Variants in ALDH1A2 observed in about 807,000 individuals in gnomAD.
ALDH1A2 encodes retinal dehydrogenase 2.
A neutral mutation model predicts 60.3 loss-of-function variants in ALDH1A2; 27 were observed. That is an observed-to-expected ratio of 0.45 (90% CI 0.33 to 0.62). The LOEUF is 0.62. Among genes scored for constraint, ALDH1A2 ranks in the 20% least tolerant of loss-of-function variants. The pLI is 0.02. For missense variants in ALDH1A2, 581 were observed against 643.8 expected, an observed-to-expected ratio of 0.90 and a Z score of 1.06; for synonymous variants, 289 against 232.4, an observed-to-expected ratio of 1.24 and a Z score of -2.21.
chr15:58,061,860 T>A (rs1897047927), intron 1 of ALDH1A2, among the ~76,000 whole-genome samples: 1 of 152,174 alleles, frequency 6.6e-6, no homozygotes, highest in Non-Finnish European at 1.5e-5. Flanking sequence ...ATTATCATCA[T>A]CATTATTATT....
intron 7 of ALDH1A2, chr15:57,980,312 AACAGGT>A: frequency 2.4e-6 from 1 of 417,866 alleles, no homozygotes; most frequent in Non-Finnish European, 4.9e-6. Flanking sequence ...CCCACTCTCA[AACAGGT>A]TGTTGGCCTT....
At chr15:58,012,905 C>T (rs1390412679) in intron 3 of ALDH1A2, among the ~76,000 whole-genome samples, 5 of 152,078 alleles carry the variant, frequency 3.3e-5, no homozygotes, top group South Asian at 2.1e-4. Flanking sequence ...CAAGGAAACC[C>T]TAAATATTCA....
Position 58,065,688 on chromosome 15 carries a change from C to G in ALDH1A2, c.-38G>C. On this transcript the variant is annotated 5_prime_UTR_variant, in exon 1 of 13. Transcript: ENST00000249750. The stretch of plus-strand genomic sequence containing the variant: ...GGTGTCCCTAGCCCGCGGCGTGGGG[C>G]AGTGCGGGCTGTGCGCGCGGTCCGC... 3 of 1,446,018 alleles carry G rather than the reference C, an allele frequency of 2.1e-6. No individual in the cohort carries two copies. Among genetic ancestry groups the G allele is most frequent in the South Asian group, 1.3e-5 (1 of 75,580 alleles). 89.6% of individuals were successfully genotyped at this position (1,446,018 alleles called of 1,614,324 possible).
chr15:58,065,410 G>A (rs1325353189), intron 1 of ALDH1A2, 124 bp downstream of exon 1: 2 of 875,782 alleles, frequency 2.3e-6, no homozygotes, highest in Admixed American at 1.8e-5. Flanking sequence ...GCTGCGCCGG[G>A]ATGACAGGCT....
intron 1 of ALDH1A2, among the ~76,000 whole-genome samples, chr15:58,026,785 T>C (rs1896091705): frequency 6.6e-6 from 1 of 152,248 alleles, no homozygotes; most frequent in South Asian, 2.1e-4. Context: ...CAGTCTGAGA[T>C]TGACCTCCAA....
intron 5 of ALDH1A2, 22 bp downstream of exon 5, chr15:57,995,056 A>G (rs1895005169): frequency 6.3e-7 from 1 of 1,594,840 alleles, no homozygotes; most frequent in Admixed American, 1.7e-5. Flanking sequence ...AATAAATACG[A>G]GGTGCGAGGA....
intron 7 of ALDH1A2, among the ~76,000 whole-genome samples, chr15:57,984,611 G>C (rs1894635374): frequency 6.6e-6 from 1 of 152,208 alleles, no homozygotes; most frequent in South Asian, 2.1e-4. Context: ...ACAGTCACAT[G>C]ATACAGTCTT....
chr15:58,060,201 G>A (rs973726528), intron 1 of ALDH1A2, among the ~76,000 whole-genome samples: 8 of 152,188 alleles, frequency 5.3e-5, no homozygotes, highest in Non-Finnish European at 1.2e-4. Context: ...GATTACAGGT[G>A]TGAGCCACTG....
intron 1 of ALDH1A2, among the ~76,000 whole-genome samples, chr15:58,047,804 C>A (rs868735046): frequency 6.6e-6 from 1 of 151,812 alleles, no homozygotes; most frequent in African/African-American, 2.4e-5. Context: ...CTTTGCTTCA[C>A]GCCAAAACAT....
In ALDH1A2 at chr15:58,065,522, G is replaced by A. The variant is rs556429148; in HGVS notation, c.117+12C>T. On this transcript the variant is annotated intron_variant, in intron 1 of 12. Transcript: ENST00000249750. ...AGTCTCCGTGGACGACGGGCGCTGG[G>A]CGGCCGCTTACCTTGGTGTACTTAA... 1.2e-5 allele frequency: 20 copies of A among 1,605,048 alleles called. No homozygotes were observed. In the Admixed American group the frequency reaches 3.2e-4, roughly 25 times the overall value.
chr15:57,987,758 G>C (rs1033034285), intron 7 of ALDH1A2, among the ~76,000 whole-genome samples: 3 of 151,884 alleles, frequency 2.0e-5, no homozygotes, highest in Admixed American at 1.3e-4. Flanking sequence ...GGTAGCGGGT[G>C]CCTGTAGTCC....
At chr15:57,967,801 G>T (rs749251600) in intron 7 of ALDH1A2, among the ~76,000 whole-genome samples, 3 of 152,178 alleles carry the variant, frequency 2.0e-5, no homozygotes, top group Non-Finnish European at 4.4e-5. Flanking sequence ...CCCCGCCCTT[G>T]CCATTTTGTG....
At chr15:57,991,696 A>G (rs1894900744) in intron 7 of ALDH1A2, 1 of 152,254 alleles carries the variant, frequency 6.6e-6, no homozygotes, top group South Asian at 2.1e-4. Context: ...CAATATTTTG[A>G]AAATACTGGA....
At chr15:57,965,343 TA>T (rs1238846858) in intron 8 of ALDH1A2, among the ~76,000 whole-genome samples, 4 of 152,184 alleles carry the variant, frequency 2.6e-5, no homozygotes, top group African/African-American at 9.6e-5. Context: ...CGGATTTATT[TA>T]AAATGGTCTA....
chr15:57,990,954 A>G (rs996588744), intron 7 of ALDH1A2, among the ~76,000 whole-genome samples: 2 of 152,098 alleles, frequency 1.3e-5, no homozygotes, highest in African/African-American at 4.8e-5. Flanking sequence ...CAACAGAAAA[A>G]GGTTAAAGCA....
At chr15:57,978,243 G>A (rs1894342238) in intron 7 of ALDH1A2, among the ~76,000 whole-genome samples, 1 of 152,186 alleles carries the variant, frequency 6.6e-6, no homozygotes, top group Non-Finnish European at 1.5e-5. Context: ...AATAGGAGTG[G>A]TGAGAGAGGG....
At chr15:58,061,596 A>AAAAAAAAG (rs1897035674) in intron 1 of ALDH1A2, among the ~76,000 whole-genome samples, 2 of 101,604 alleles carry the variant, frequency 2.0e-5, no homozygotes, top group African/African-American at 3.4e-5. Context: ...TCCTTCCCTC[A>AAAAAAAAG]AAAAAAAAAA....
intron 1 of ALDH1A2, among the ~76,000 whole-genome samples, chr15:58,038,087 T>C (rs905345441): frequency 1.3e-5 from 2 of 151,698 alleles, no homozygotes; most frequent in East Asian, 1.9e-4. Flanking sequence ...TCTTAAGCTA[T>C]GGGTTTCCCT....
intron 8 of ALDH1A2, 118 bp from the exon 9 acceptor site, chr15:57,964,187 C>T: frequency 9.5e-7 from 1 of 1,048,016 alleles, no homozygotes; most frequent in Non-Finnish European, 1.4e-6. Flanking sequence ...ATGACATAAC[C>T]ATGAATAGCC....
Sources: allele counts gnomAD v4.1 joint callset (sites outside exome capture counted in the v4.1 genomes callset), GRCh38; gene constraint gnomAD v4.1.1; transcripts MANE v1.5; gene names NCBI Gene and HGNC (gene_info 2026-07-23, HGNC 2026-07-21).